Variants in DNAH10 observed in about 807,000 individuals in gnomAD.
The protein encoded by DNAH10 is axonemal beta dynein heavy chain 10.
Under a neutral mutation model 506.6 loss-of-function variants are expected in DNAH10, and 348 were observed. The ratio of observed to expected loss-of-function variants is 0.69; its 90% confidence interval spans 0.63 to 0.75. DNAH10 has a LOEUF of 0.75. Among genes scored for constraint, DNAH10 ranks in the 30% least tolerant of loss-of-function variants. The probability of loss-of-function intolerance (pLI) is 0.00; values close to 1 mark genes in which losing one functional copy is unlikely to be tolerated. For synonymous variants in DNAH10, 2,059 were observed against 2,198.6 expected (o/e 0.94, Z 1.78); for missense variants, 5,179 against 5,787.1 (o/e 0.89, Z 3.41).
intron 78 of DNAH10, chr12:123,935,133 C>T (rs1955432192): frequency 4.7e-6 from 3 of 639,854 alleles, no homozygotes; most frequent in Non-Finnish European, 8.0e-6. Flanking sequence ...GGCCAGGACC[C>T]ACTTTTAACC....
chr12:123,924,305 G>A lies in DNAH10; in HGVS notation c.11639G>A (p.Arg3880Lys), dbSNP rs1232256531. 1 of 1,611,166 alleles carries A rather than the reference G, an allele frequency of 6.2e-7. No homozygotes were observed. Among genetic ancestry groups the A allele is most frequent in the African/African-American group, 1.3e-5 (1 of 74,950 alleles). Residue 3880 changes from arginine to lysine, a missense_variant, in exon 67 of 79, where the codon AGA becomes AAA. This residue lies in a region of DNAH10 where 4,844 missense variants were observed against 5,430.5 expected (regional missense o/e 0.89). Transcript: ENST00000673944. ...KGNISLEKSK[R>K]KKPCAWLSDQ... ...AACATTTCCCTGGAGAAAAGCAAAAGAAAAAAGCCCTGCGCTTGGTTGTCT... is the reference window on the plus strand; with the variant it reads ...AACATTTCCCTGGAGAAAAGCAAAAAAAAAAAGCCCTGCGCTTGGTTGTCT...
Position 123,853,479 on chromosome 12 carries a change from C to A in DNAH10, c.6438+127C>A. On this transcript the variant is annotated intron_variant, in intron 36 of 78. Coordinates refer to ENST00000673944, the MANE Select transcript of DNAH10 (RefSeq NM_001372106.1). The surrounding 1 kb of genome is among the most constrained non-coding windows in gnomAD (Gnocchi z 4.7). Reference sequence around the variant, plus strand: ...GTTTAAGTCTTAGCTGCCTCTTCACCCCGCGGTCTGGCCTTACTTTGGCCT... The same window carrying A: ...GTTTAAGTCTTAGCTGCCTCTTCACACCGCGGTCTGGCCTTACTTTGGCCT... 1 of 1,266,638 alleles carries A rather than the reference C, an allele frequency of 7.9e-7. No individual in the cohort carries two copies. The highest frequency in any genetic ancestry group is 1.0e-6 in the Non-Finnish European group (1 of 956,622). The allele number at this position is 1,266,638 out of a possible 1,614,324, so 78.5% of individuals were successfully genotyped here.
intron 9 of DNAH10, among the ~76,000 whole-genome samples, chr12:123,786,655 T>C (rs1228872038): frequency 6.6e-4 from 1 of 1,506 alleles, no homozygotes; most frequent in Non-Finnish European, 2.3e-3. Flanking sequence ...AGATATATTT[T>C]GTTTCAGATA....
At chr12:123,898,502 C>G in intron 55 of DNAH10, 151 bp from the exon 56 acceptor site, 1 of 1,020,114 alleles carries the variant, frequency 9.8e-7, no homozygotes, top group Non-Finnish European at 1.4e-6. Context: ...GATGCTGTCC[C>G]AAGTATGGCA....
intron 49 of DNAH10, 88 bp from the exon 50 acceptor site, chr12:123,879,546 G>A: frequency 6.5e-7 from 1 of 1,549,490 alleles, no homozygotes; most frequent in South Asian, 1.2e-5. Flanking sequence ...AATTATTTTA[G>A]ATAATAGTAC....
chr12:123,855,551 T>G (rs932781885), intron 36 of DNAH10, among the ~76,000 whole-genome samples: 1 of 151,398 alleles, frequency 6.6e-6, no homozygotes, highest in Non-Finnish European at 1.5e-5. Flanking sequence ...GGAGGATTGC[T>G]TGAACCTGGG....
At chr12:123,886,091 A>G (rs763033787) in intron 51 of DNAH10, among the ~76,000 whole-genome samples, 1 of 152,222 alleles carries the variant, frequency 6.6e-6, no homozygotes, top group Non-Finnish European at 1.5e-5. Context: ...TCATTGTTAA[A>G]ATATAACTGT....
intron 52 of DNAH10, among the ~76,000 whole-genome samples, chr12:123,891,722 A>T (rs1044568609): frequency 1.3e-5 from 2 of 152,108 alleles, no homozygotes; most frequent in African/African-American, 2.4e-5. Flanking sequence ...TCCCTTGTTG[A>T]ATATCCCCAA....
At chr12:123,763,393 C>T (rs923610285) in intron 1 of DNAH10, among the ~76,000 whole-genome samples, 4 of 152,012 alleles carry the variant, frequency 2.6e-5, no homozygotes, top group African/African-American at 7.3e-5. Context: ...GCACAGCTAC[C>T]GGGACCTCCT....
At position 123,783,280 on chromosome 12, in the gene DNAH10, C is replaced by A. The variant is rs768840684; in HGVS notation, c.999+16C>A. 4 of 1,612,176 alleles carry A rather than the reference C, an allele frequency of 2.5e-6. No homozygotes were observed. The Admixed American group carries it at 5.0e-5, about 20-fold the overall frequency. On this transcript the variant is annotated intron_variant, in intron 7 of 78. Coordinates refer to ENST00000673944, the MANE Select transcript of DNAH10 (RefSeq NM_001372106.1). ...GACACCTCAGGTAGTTTGTGCAGGG[C>A]TTTCAGAGAGCCCCGATCCAGGTCA...
At chr12:123,841,193 C>A in intron 29 of DNAH10, 129 bp from the exon 30 acceptor site, 1 of 903,124 alleles carries the variant, frequency 1.1e-6, no homozygotes, top group Non-Finnish European at 1.8e-6. Flanking sequence ...ATCCATCTTG[C>A]CTGCGATCTC....
intron 19 of DNAH10, among the ~76,000 whole-genome samples, chr12:123,809,688 C>G (rs1046555280): frequency 1.6e-5 from 2 of 126,230 alleles, no homozygotes; most frequent in Non-Finnish European, 3.3e-5. Context: ...CATATCATTT[C>G]GTGTCATCCC....
intron 1 of DNAH10, among the ~76,000 whole-genome samples, chr12:123,764,463 C>T: frequency 6.6e-6 from 1 of 152,040 alleles, no homozygotes; most frequent in East Asian, 1.9e-4. Context: ...ACATGTACCA[C>T]CACTGCAGGA....
chr12:123,897,677 A>G, intron 54 of DNAH10, 93 bp from the exon 55 acceptor site: 1 of 1,355,472 alleles, frequency 7.4e-7, no homozygotes, highest in Non-Finnish European at 1.0e-6. Flanking sequence ...GTGAGCCATG[A>G]TCACGCCACT....
intron 29 of DNAH10, among the ~76,000 whole-genome samples, chr12:123,840,052 T>A (rs1950712309): frequency 6.6e-6 from 1 of 152,014 alleles, no homozygotes. Context: ...TGGGGCTGGA[T>A]GACTCTTTGC....
intron 23 of DNAH10, among the ~76,000 whole-genome samples, chr12:123,819,911 G>C (rs1394566318): frequency 6.6e-6 from 1 of 151,718 alleles, no homozygotes; most frequent in Non-Finnish European, 1.5e-5. Context: ...CACCATGTTG[G>C]CCAGGCTGGT....
At chr12:123,931,210 CAAAAA>C (rs781036283) in intron 73 of DNAH10, 126 bp from the exon 74 acceptor site, 6 of 1,104,470 alleles carry the variant, frequency 5.4e-6, no homozygotes, top group South Asian at 1.8e-5. Context: ...GACCCTGTCT[CAAAAA>C]AAAAAAAAGT....
intron 55 of DNAH10, 22 bp downstream of exon 55, chr12:123,897,989 G>A: frequency 1.3e-6 from 2 of 1,530,624 alleles, no homozygotes; most frequent in Admixed American, 4.8e-5. Context: ...GGATGGGGTG[G>A]TTGACAAAAG....
rs1397475243 is a variant in DNAH10, at chr12:123,903,583, T to C, written c.9815+470T>C. ...CAAGGAGGGTGAGAGTAGGTCACTA[T>C]TGAGGCCCCCATACATCTTGCAAAT... On this transcript the variant is annotated intron_variant, in intron 57 of 78. Transcript: ENST00000673944. The surrounding 1 kb of genome is among the most constrained non-coding windows in gnomAD (Gnocchi z 4.6). 3.3e-5 allele frequency among the ~76,000 whole-genome samples: 5 copies of C among 152,198 alleles called. No individual in the cohort carries two copies. The highest frequency in any genetic ancestry group is 2.1e-4 in the South Asian group (1 of 4,828).
Sources: allele counts gnomAD v4.1 joint callset (sites outside exome capture counted in the v4.1 genomes callset), GRCh38; gene constraint gnomAD v4.1.1; regional missense constraint gnomAD v4.1.1; non-coding constraint Gnocchi (gnomAD v3.1); transcripts MANE v1.5; gene names NCBI Gene and HGNC (gene_info 2026-07-23, HGNC 2026-07-21).